UBTD2: variants seen among roughly 807,000 people sequenced by gnomAD.
UBTD2 encodes the protein ubiquitin domain-containing protein 2.
In UBTD2, 9 loss-of-function variants were observed where a neutral mutation model predicts 19.8. That is an observed-to-expected ratio of 0.46 (90% CI 0.27 to 0.79). UBTD2 has a LOEUF of 0.79. Among genes scored for constraint, UBTD2 ranks in the 30% least tolerant of loss-of-function variants. The pLI is 0.14. For missense variants in UBTD2, 250 were observed against 300.4 expected, an observed-to-expected ratio of 0.83 and a Z score of 1.24; for synonymous variants, 98 against 103.9, an observed-to-expected ratio of 0.94 and a Z score of 0.35.
chr5:172,229,320 G>A (rs1771841977), intron 2 of UBTD2, among the ~76,000 whole-genome samples: 1 of 151,928 alleles, frequency 6.6e-6, no homozygotes, highest in Admixed American at 6.6e-5. Flanking sequence ...CTAACACGGT[G>A]AAACCCTGTC....
intron 2 of UBTD2, among the ~76,000 whole-genome samples, chr5:172,224,009 G>A (rs1377348233): frequency 1.3e-5 from 2 of 152,186 alleles, no homozygotes; most frequent in African/African-American, 4.8e-5. Flanking sequence ...AATGGAAGAT[G>A]AGCCCAAGTT....
intron 1 of UBTD2, among the ~76,000 whole-genome samples, chr5:172,246,751 CTTTTTTTTTTTTTTT>C (rs70982379): frequency 2.7e-4 from 17 of 62,496 alleles, no homozygotes; most frequent in South Asian, 1.3e-3. Context: ...GCCGAGATTG[CTTTTTTTTTTTTTTT>C]TTTTTTTTTT....
At chr5:172,213,028 T>C (rs1771480200) in intron 2 of UBTD2, among the ~76,000 whole-genome samples, 1 of 151,888 alleles carries the variant, frequency 6.6e-6, no homozygotes, top group South Asian at 2.1e-4. Context: ...TCTCACTCTG[T>C]TGCCCAGGCT....
At chr5:172,223,682 T>A (rs1045097708) in intron 2 of UBTD2, among the ~76,000 whole-genome samples, 6 of 147,134 alleles carry the variant, frequency 4.1e-5, no homozygotes, top group African/African-American at 1.5e-4. Flanking sequence ...TAACATTTAA[T>A]CCTTACAAAA....
intron 2 of UBTD2, among the ~76,000 whole-genome samples, chr5:172,220,878 T>A (rs1257161581): frequency 6.6e-6 from 1 of 152,060 alleles, no homozygotes; most frequent in Non-Finnish European, 1.5e-5. Flanking sequence ...ATATGAAGAA[T>A]CAACATAAAA....
intron 1 of UBTD2, among the ~76,000 whole-genome samples, chr5:172,268,777 G>A (rs1051955434): frequency 2.6e-5 from 4 of 151,910 alleles, no homozygotes; most frequent in Non-Finnish European, 5.9e-5. Flanking sequence ...GGAAGAAGAG[G>A]AGGAGGAGTT....
chr5:172,237,295 T>C (rs1411474575), intron 1 of UBTD2, among the ~76,000 whole-genome samples: 1 of 152,050 alleles, frequency 6.6e-6, no homozygotes, highest in Non-Finnish European at 1.5e-5. Flanking sequence ...GGTTTCACCA[T>C]ATTGGCCAGG....
At chr5:172,227,909 G>A (rs905237714) in intron 2 of UBTD2, among the ~76,000 whole-genome samples, 2 of 151,832 alleles carry the variant, frequency 1.3e-5, no homozygotes, top group Non-Finnish European at 2.9e-5. Context: ...TCTAACTCCT[G>A]ACCTTGTGAT....
Position 172,212,205 on chromosome 5 carries a change from A to C in UBTD2, c.330T>G (p.Asp110Glu). The change falls in exon 3 of 3, where the codon GAT (aspartate) becomes GAG (glutamate). Residue 110 changes from aspartate to glutamate, a missense_variant. Transcript: ENST00000393792. ...LPHGALTECY[D>E]ELGNRYQLPV... ...GAAGCTGATATCTGTTCCCCAGTTCATCGTAGCACTCTGTAAGTGCACCTT... is the reference window on the plus strand; with the variant it reads ...GAAGCTGATATCTGTTCCCCAGTTCCTCGTAGCACTCTGTAAGTGCACCTT... 1 of 1,605,724 alleles carries C rather than the reference A, an allele frequency of 6.2e-7. No homozygotes were observed. Among genetic ancestry groups the C allele is most frequent in the Non-Finnish European group, 8.5e-7 (1 of 1,173,376 alleles).
At chr5:172,241,893 C>T (rs920148177) in intron 1 of UBTD2, among the ~76,000 whole-genome samples, 1 of 152,140 alleles carries the variant, frequency 6.6e-6, no homozygotes, top group Admixed American at 6.6e-5. Flanking sequence ...GTTGTATATA[C>T]CTGTAGTCCC....
intron 1 of UBTD2, among the ~76,000 whole-genome samples, chr5:172,277,015 G>GC (rs991459964): frequency 1.8e-4 from 23 of 128,444 alleles, no homozygotes; most frequent in African/African-American, 6.3e-4. Context: ...ATTGCAGTCA[G>GC]CCGAGATCAT....
chr5:172,273,283 CAA>C (rs999565434), intron 1 of UBTD2, among the ~76,000 whole-genome samples: 2 of 127,284 alleles, frequency 1.6e-5, no homozygotes, highest in East Asian at 5.2e-4. Flanking sequence ...ATGCCCACTG[CAA>C]GATTCTTTTT....
At chr5:172,276,615 T>C (rs1755608152) in intron 1 of UBTD2, among the ~76,000 whole-genome samples, 1 of 152,182 alleles carries the variant, frequency 6.6e-6, no homozygotes, top group South Asian at 2.1e-4. Context: ...CCACGCCTTC[T>C]GACCCCGTAA....
chr5:172,277,751 C>T (rs1335072270), intron 1 of UBTD2, among the ~76,000 whole-genome samples: 2 of 149,970 alleles, frequency 1.3e-5, no homozygotes, highest in Non-Finnish European at 3.0e-5. Flanking sequence ...AGGACACCAT[C>T]GAGAGAATGA....
intron 1 of UBTD2, among the ~76,000 whole-genome samples, chr5:172,277,389 T>C (rs981490115): frequency 2.6e-5 from 4 of 151,992 alleles, no homozygotes. Flanking sequence ...AAGAAAAAAA[T>C]AGATAAATCG....
intron 2 of UBTD2, 135 bp from the exon 3 acceptor site, chr5:172,212,362 A>G (rs929904005): frequency 5.7e-5 from 53 of 926,288 alleles, no homozygotes; most frequent in Non-Finnish European, 7.1e-5. Flanking sequence ...CTGATCATCA[A>G]TGATTATCAA....
chr5:172,272,501 TGA>T (rs10548012), intron 1 of UBTD2, among the ~76,000 whole-genome samples: 2,138 of 152,192 alleles, frequency 0.014, 39 homozygotes, highest in African/African-American at 0.048. Context: ...AAGGAAAAAA[TGA>T]GAGTCATTAA....
chr5:172,213,747 C>T (rs1398862918), intron 2 of UBTD2, among the ~76,000 whole-genome samples: 1 of 152,134 alleles, frequency 6.6e-6, no homozygotes, highest in Non-Finnish European at 1.5e-5. Context: ...ATTACAGTTA[C>T]CAGGACTTCC....
intron 1 of UBTD2, among the ~76,000 whole-genome samples, chr5:172,276,891 G>T (rs1193842903): frequency 6.6e-6 from 1 of 151,882 alleles, no homozygotes. Context: ...CCAACACAGT[G>T]AAACCCCGTC....
Sources: allele counts gnomAD v4.1 joint callset (sites outside exome capture counted in the v4.1 genomes callset), GRCh38; gene constraint gnomAD v4.1.1; transcripts MANE v1.5; gene names NCBI Gene and HGNC (gene_info 2026-07-23, HGNC 2026-07-21).